Variants in CDH8 observed in about 807,000 individuals in gnomAD.
The protein encoded by CDH8 is cadherin-8.
Under a neutral mutation model 68.1 loss-of-function variants are expected in CDH8, and 17 were observed. That is an observed-to-expected ratio of 0.25 (90% CI 0.17 to 0.37). CDH8 has a LOEUF of 0.37. Among genes scored for constraint, CDH8 ranks in the 10% least tolerant of loss-of-function variants. The pLI is 1.00. For missense variants in CDH8, 763 were observed against 999.3 expected, an observed-to-expected ratio of 0.76 and a Z score of 3.19; for synonymous variants, 372 against 365.1, an observed-to-expected ratio of 1.02 and a Z score of -0.21.
intron 2 of CDH8, chr16:61,940,396 A>ATTTTTTTTTTTTTTTT (rs1597078843): frequency 2.5e-5 from 3 of 121,050 alleles, no homozygotes; most frequent in South Asian, 5.2e-4. Flanking sequence ...GAACTACTTG[A>ATTTTTTTTTTTTTTTT]TCTTTTTTTT....
intron 2 of CDH8, among the ~76,000 whole-genome samples, chr16:61,944,924 T>C (rs1964777919): frequency 2.0e-5 from 3 of 152,046 alleles, no homozygotes; most frequent in African/African-American, 7.2e-5. Flanking sequence ...GGTATAGATA[T>C]AAAATTAAAT....
intron 10 of CDH8, among the ~76,000 whole-genome samples, chr16:61,669,880 G>A (rs1963756538): frequency 6.6e-6 from 1 of 151,942 alleles, no homozygotes; most frequent in Admixed American, 6.6e-5. Context: ...TCTCGTTAGC[G>A]TTTTTCTCTA....
chr16:61,733,294 T>C (rs1221495461), intron 8 of CDH8, among the ~76,000 whole-genome samples: 1 of 151,898 alleles, frequency 6.6e-6, no homozygotes, highest in South Asian at 2.1e-4. Context: ...TACATACTTT[T>C]GGGTGTATGT....
At chr16:61,989,821 G>T (rs1252215686) in intron 2 of CDH8, among the ~76,000 whole-genome samples, 2 of 99,254 alleles carry the variant, frequency 2.0e-5, no homozygotes, top group Non-Finnish European at 4.8e-5. Context: ...TTACGCTAAG[G>T]GTACAATTTT....
intron 7 of CDH8, among the ~76,000 whole-genome samples, chr16:61,800,693 C>T (rs529296683): frequency 6.6e-6 from 1 of 152,280 alleles, no homozygotes; most frequent in South Asian, 2.1e-4. Flanking sequence ...AGACTTCATA[C>T]TCATGGGGTA....
At chr16:61,719,924 T>C (rs1959204219) in intron 9 of CDH8, among the ~76,000 whole-genome samples, 1 of 150,890 alleles carries the variant, frequency 6.6e-6, no homozygotes, top group South Asian at 2.1e-4. Flanking sequence ...GAGAAACTTG[T>C]AGTAAAACAA....
At chr16:61,779,934 G>A (rs1245460552) in intron 8 of CDH8, among the ~76,000 whole-genome samples, 1 of 152,116 alleles carries the variant, frequency 6.6e-6, no homozygotes, top group Non-Finnish European at 1.5e-5. Flanking sequence ...TTGAAGTGAG[G>A]TTTCTGTGGA....
At chr16:61,657,471 G>A (rs891810985) in intron 10 of CDH8, among the ~76,000 whole-genome samples, 2 of 152,024 alleles carry the variant, frequency 1.3e-5, no homozygotes, top group Non-Finnish European at 2.9e-5. Context: ...GAGAAAAAGA[G>A]ATTTCTAATG....
chr16:61,731,163 C>T (rs537836487), intron 8 of CDH8, among the ~76,000 whole-genome samples: 1 of 151,662 alleles, frequency 6.6e-6, no homozygotes, highest in South Asian at 2.1e-4. Context: ...AGGAATGTGA[C>T]CTTCAAGCCT....
intron 2 of CDH8, among the ~76,000 whole-genome samples, chr16:61,979,088 C>G (rs1003678654): frequency 6.6e-6 from 1 of 151,186 alleles, no homozygotes; most frequent in African/African-American, 2.4e-5. Context: ...AATAAAGAAT[C>G]TCAGCCCAAA....
chr16:61,668,641 C>A (rs1390757360), intron 10 of CDH8, among the ~76,000 whole-genome samples: 1 of 146,774 alleles, frequency 6.8e-6, no homozygotes, highest in Non-Finnish European at 1.5e-5. Context: ...GTAAAAAATG[C>A]ATTTTGTCAG....
At position 61,901,169 on chromosome 16, in the gene CDH8, G is replaced by A; in HGVS notation, c.547+10C>T. 6.2e-7 allele frequency: 1 copy of A among 1,607,992 alleles called. No homozygotes were observed. The highest frequency in any genetic ancestry group is 1.1e-5 in the South Asian group (1 of 90,726). On this transcript the variant is annotated intron_variant, in intron 3 of 11. Coordinates refer to ENST00000577390, the MANE Select transcript of CDH8 (RefSeq NM_001796.5). ...TTTTAATAGATCTGTGAAATTGGAA[G>A]CATACATACCCAAAATGGACATTTC...
intron 10 of CDH8, among the ~76,000 whole-genome samples, chr16:61,706,093 T>C (rs1214328761): frequency 6.6e-6 from 1 of 152,138 alleles, no homozygotes; most frequent in African/African-American, 2.4e-5. Context: ...CAGAAGACAG[T>C]GGGGAAAACA....
chr16:61,942,572 A>G (rs1241747443), intron 2 of CDH8, among the ~76,000 whole-genome samples: 1 of 152,162 alleles, frequency 6.6e-6, no homozygotes, highest in African/African-American at 2.4e-5. Context: ...CTTGATTCAC[A>G]TAGTGACCTA....
At chr16:61,963,903 A>G (rs1965201282) in intron 2 of CDH8, among the ~76,000 whole-genome samples, 1 of 152,224 alleles carries the variant, frequency 6.6e-6, no homozygotes, top group African/African-American at 2.4e-5. Context: ...CAGAAAAAGA[A>G]GCAGCCAATG....
At chr16:61,925,450 C>T (rs1964441826) in intron 2 of CDH8, among the ~76,000 whole-genome samples, 1 of 152,238 alleles carries the variant, frequency 6.6e-6, no homozygotes, top group Non-Finnish European at 1.5e-5. Context: ...ACAAGGCTCA[C>T]CTTTCACCAA....
chr16:61,952,281 A>C (rs541478777), intron 2 of CDH8, among the ~76,000 whole-genome samples: 1 of 152,350 alleles, frequency 6.6e-6, no homozygotes, highest in Admixed American at 6.5e-5. Context: ...ATTCAAAAAT[A>C]AATATATTTT....
At chr16:61,985,211 T>G (rs571923106) in intron 2 of CDH8, among the ~76,000 whole-genome samples, 1 of 152,160 alleles carries the variant, frequency 6.6e-6, no homozygotes, top group African/African-American at 2.4e-5. Context: ...TCAGAAATAT[T>G]ATTTGGGAGT....
chr16:62,010,721 C>T (rs147011236), intron 2 of CDH8, among the ~76,000 whole-genome samples: 422 of 152,168 alleles, frequency 2.8e-3, no homozygotes, highest in African/African-American at 9.3e-3. Context: ...GGCGAATCAC[C>T]TGAGGTTGGC....
Sources: gnomAD v4.1 joint callset for allele counts (sites outside exome capture counted in the v4.1 genomes callset) on GRCh38, gnomAD v4.1.1 for gene constraint, MANE v1.5 for transcripts, NCBI Gene and HGNC (gene_info 2026-07-23, HGNC 2026-07-21) for gene names.